Variants in ERBB4 observed in about 807,000 individuals in gnomAD.
The protein encoded by ERBB4 is receptor tyrosine-protein kinase erbB-4.
Under a neutral mutation model 158.0 loss-of-function variants are expected in ERBB4, and 42 were observed. That is an observed-to-expected ratio of 0.27 (90% CI 0.21 to 0.34). The LOEUF (loss-of-function observed/expected upper bound fraction) is 0.34. Ranked by LOEUF, ERBB4 falls within the 10% of genes least tolerant of loss-of-function variation. The pLI is 1.00. For missense variants in ERBB4, 1,333 were observed against 1,624.1 expected (o/e 0.82, Z 3.08); for synonymous variants, 583 against 558.7 (o/e 1.04, Z -0.61).
At chr2:212,443,683 C>G (rs1389627257) in intron 1 of ERBB4, among the ~76,000 whole-genome samples, 1 of 152,218 alleles carries the variant, frequency 6.6e-6, no homozygotes, top group Admixed American at 6.5e-5. Context: ...GCCACTTGGG[C>G]CCTGTGACCC....
intron 3 of ERBB4, among the ~76,000 whole-genome samples, chr2:211,865,952 G>A (rs1393836536): frequency 6.6e-6 from 1 of 152,252 alleles, no homozygotes; most frequent in African/African-American, 2.4e-5. Flanking sequence ...ATATCCTTTT[G>A]TAATTAGAAT....
intron 1 of ERBB4, among the ~76,000 whole-genome samples, chr2:212,491,453 C>T (rs1690273349): frequency 6.6e-6 from 1 of 151,384 alleles, no homozygotes; most frequent in Admixed American, 6.6e-5. Context: ...TGTGTTTTTC[C>T]CTTTGTACCA....
chr2:211,921,405 C>T (rs751747112), intron 3 of ERBB4, among the ~76,000 whole-genome samples: 1 of 151,626 alleles, frequency 6.6e-6, no homozygotes, highest in African/African-American at 2.4e-5. Flanking sequence ...GTTTTTTGAG[C>T]TTAAAAAAAA....
intron 25 of ERBB4, among the ~76,000 whole-genome samples, chr2:211,415,124 T>C (rs2063357155): frequency 7.7e-6 from 1 of 129,656 alleles, no homozygotes; most frequent in Non-Finnish European, 1.6e-5. Context: ...TTTTTTTTTT[T>C]TTTTTTTTTT....
chr2:211,405,804 C>T (rs1481535596), intron 25 of ERBB4, among the ~76,000 whole-genome samples: 1 of 152,156 alleles, frequency 6.6e-6, no homozygotes, highest in East Asian at 1.9e-4. Context: ...GAGCTCTAGA[C>T]ACACATTCCT....
At chr2:211,396,152 G>A (rs529269705) in intron 25 of ERBB4, among the ~76,000 whole-genome samples, 62 of 152,154 alleles carry the variant, frequency 4.1e-4, no homozygotes, top group African/African-American at 1.5e-3. Flanking sequence ...CTCTGTGTAT[G>A]TGTGGATACA....
At position 211,378,006 on chromosome 2, in the gene ERBB4, T is replaced by G. The variant is rs1000698696; in HGVS notation, c.*5609A>C. On this transcript the variant is annotated 3_prime_UTR_variant, in exon 28 of 28. Coordinates refer to ENST00000342788, the MANE Select transcript of ERBB4 (RefSeq NM_005235.3). ...TTCGAGGGCAAAGATGAAGTCAGTG[T>G]TTCACAAAGTGGGGTGTAGGATCTC... The G allele has an allele frequency of 4.3e-6, 1 of 233,122 alleles. No individual in the cohort carries two copies. The highest frequency in any genetic ancestry group is 2.2e-5 in the African/African-American group (1 of 45,412). 14.4% of individuals were successfully genotyped at this position (233,122 alleles called of 1,614,324 possible).
chr2:211,509,574 A>G (rs1246933912), intron 20 of ERBB4, among the ~76,000 whole-genome samples: 2 of 152,128 alleles, frequency 1.3e-5, no homozygotes, highest in Non-Finnish European at 2.9e-5. Context: ...AAGTAATTAC[A>G]ACAAAAACAA....
At chr2:212,355,206 C>T (rs1287092683) in intron 1 of ERBB4, among the ~76,000 whole-genome samples, 1 of 151,940 alleles carries the variant, frequency 6.6e-6, no homozygotes, top group African/African-American at 2.4e-5. Flanking sequence ...TATAATTTTA[C>T]CTTGTATTTT....
chr2:211,832,045 G>T (rs1372677021), intron 3 of ERBB4, among the ~76,000 whole-genome samples: 2 of 152,242 alleles, frequency 1.3e-5, no homozygotes, highest in East Asian at 3.9e-4. Context: ...ACTCATTTTT[G>T]TTCTTCCCAA....
intron 20 of ERBB4, among the ~76,000 whole-genome samples, chr2:211,524,113 G>A (rs1161518958): frequency 6.6e-6 from 1 of 151,868 alleles, no homozygotes; most frequent in Non-Finnish European, 1.5e-5. Context: ...GATACAGAGT[G>A]CCGATTGGTG....
chr2:211,793,276 T>G (rs1180441778), intron 3 of ERBB4, among the ~76,000 whole-genome samples: 1 of 151,938 alleles, frequency 6.6e-6, no homozygotes, highest in Non-Finnish European at 1.5e-5. Context: ...CCATATGATA[T>G]AAGAAGGATC....
intron 3 of ERBB4, among the ~76,000 whole-genome samples, chr2:211,881,983 A>T (rs1255255451): frequency 6.6e-6 from 1 of 152,162 alleles, no homozygotes; most frequent in Non-Finnish European, 1.5e-5. Context: ...TCGGCTTACT[A>T]TTAGAGTGTT....
chr2:212,346,526 G>T (rs1176995866), intron 1 of ERBB4, among the ~76,000 whole-genome samples: 1 of 151,966 alleles, frequency 6.6e-6, no homozygotes, highest in African/African-American at 2.4e-5. Context: ...TTTAAAACAT[G>T]AAATGTTTTA....
At chr2:211,702,681 G>A (rs1055463942) in intron 11 of ERBB4, among the ~76,000 whole-genome samples, 1 of 152,126 alleles carries the variant, frequency 6.6e-6, no homozygotes, top group African/African-American at 2.4e-5. Flanking sequence ...GAATGTGTAA[G>A]TAAGGTTAGG....
intron 2 of ERBB4, among the ~76,000 whole-genome samples, chr2:212,104,854 G>A (rs2079179656): frequency 6.6e-6 from 1 of 152,096 alleles, no homozygotes. Flanking sequence ...TCTATTATAT[G>A]TCAGGCATTA....
intron 1 of ERBB4, among the ~76,000 whole-genome samples, chr2:212,321,460 A>G (rs2087564292): frequency 6.6e-6 from 1 of 150,586 alleles, no homozygotes; most frequent in Non-Finnish European, 1.5e-5. Context: ...TGCCTATAAT[A>G]CTGGCATTTT....
At position 211,823,020 on chromosome 2, in the gene ERBB4, C is replaced by T. The variant is rs572363391; in HGVS notation, c.422-34861G>A. ...TCCAATGCTGTTACAACTGTTAGCC[C>T]TTCCCCTGGGCCACAGAATAAATCA... On this transcript the variant is annotated intron_variant, in intron 3 of 27. Transcript: ENST00000342788. Among the ~76,000 whole-genome samples, 370 of 152,080 alleles carry T rather than the reference C, an allele frequency of 2.4e-3. 2 individuals carry two copies. Among genetic ancestry groups the T allele is most frequent in the African/African-American group, 8.7e-3 (363 of 41,526 alleles).
intron 19 of ERBB4, among the ~76,000 whole-genome samples, chr2:211,570,933 C>T (rs916803686): frequency 6.6e-6 from 1 of 151,998 alleles, no homozygotes; most frequent in African/African-American, 2.4e-5. Context: ...ATTTCCCCAG[C>T]CTGCATTGTT....
Sources: gnomAD v4.1 joint callset for allele counts (sites outside exome capture counted in the v4.1 genomes callset) on GRCh38, gnomAD v4.1.1 for gene constraint, MANE v1.5 for transcripts, NCBI Gene and HGNC (gene_info 2026-07-23, HGNC 2026-07-21) for gene names.